The following ATP8A1 variants were observed in gnomAD, a reference collection of about 807,000 sequenced individuals.
ATP8A1 encodes the protein ATPase phospholipid transporting 8A1, also known as phospholipid-transporting ATPase IA.
A neutral mutation model predicts 177.7 loss-of-function variants in ATP8A1; 90 were observed. The ratio of observed to expected loss-of-function variants is 0.51; its 90% confidence interval spans 0.43 to 0.60. ATP8A1 has a LOEUF of 0.60. ATP8A1 is among the 20% of genes least tolerant of loss of function. ATP8A1 has a pLI of 0.00. For missense variants in ATP8A1, 1,072 were observed against 1,392.8 expected, an observed-to-expected ratio of 0.77 and a Z score of 3.67; for synonymous variants, 493 against 485.9, an observed-to-expected ratio of 1.01 and a Z score of -0.19.
In ATP8A1 at chr4:42,636,167, C is replaced by A. The variant is rs1161951492; in HGVS notation, c.50-9058G>T. 5.6e-5 allele frequency among the ~76,000 whole-genome samples: 6 copies of A among 106,542 alleles called. No individual in the cohort carries two copies. In the Admixed American group the frequency reaches 5.7e-4, roughly 10 times the overall value. 69.9% of individuals were successfully genotyped at this position (106,542 alleles called of 152,430 possible). A position where few individuals can be genotyped will look rare whatever the true frequency, so the allele number is the denominator to read the frequency against. ...ACACACACACACACACGCACACACA[C>A]ACACATAAGCTTCTTAAGCTGGATC... On this transcript the variant is annotated intron_variant, in intron 1 of 36. Coordinates refer to ENST00000381668, the MANE Select transcript of ATP8A1 (RefSeq NM_006095.2).
intron 20 of ATP8A1, among the ~76,000 whole-genome samples, chr4:42,534,613 C>T (rs1315250304): frequency 6.6e-6 from 1 of 152,106 alleles, no homozygotes; most frequent in Non-Finnish European, 1.5e-5. Flanking sequence ...GAAAATTTCC[C>T]TGGCCTTGCT....
chr4:42,499,931 C>G (rs1038397116), intron 24 of ATP8A1, among the ~76,000 whole-genome samples: 3 of 152,142 alleles, frequency 2.0e-5, no homozygotes, highest in African/African-American at 7.2e-5. Flanking sequence ...AAAAGAGATG[C>G]AAAAGTATCA....
chr4:42,618,596 C>G (rs1737143380), intron 4 of ATP8A1, among the ~76,000 whole-genome samples: 1 of 152,154 alleles, frequency 6.6e-6, no homozygotes, highest in African/African-American at 2.4e-5. Flanking sequence ...CCTATCCAAG[C>G]CATTCTTTCA....
intron 34 of ATP8A1, among the ~76,000 whole-genome samples, chr4:42,423,373 C>T (rs1238886416): frequency 2.6e-5 from 4 of 152,052 alleles, no homozygotes; most frequent in South Asian, 2.1e-4. Context: ...ACATACTCCC[C>T]GATGTAATTT....
rs771765035 is a variant in ATP8A1 at position 42,561,250 on chromosome 4, G to A, written c.1341-5210C>T. On this transcript the variant is annotated intron_variant, in intron 15 of 36. Transcript: ENST00000381668. ...ACAGGTGCGCACTGGGCCTCGGGCC[G>A]GCCTGAAGAGCACTTATGGTCTCCT... Among the ~76,000 whole-genome samples, 4 of 152,320 alleles carry A rather than the reference G, an allele frequency of 2.6e-5. No individual in the cohort carries two copies. The South Asian group carries it at 6.2e-4, about 24-fold the overall frequency.
intron 6 of ATP8A1, among the ~76,000 whole-genome samples, chr4:42,598,504 G>T (rs79704732): frequency 0.025 from 3,811 of 151,930 alleles, 67 homozygotes; most frequent in South Asian, 0.061. Flanking sequence ...TTTCTTAACT[G>T]TTTATTTTTG....
At chr4:42,612,565 G>A (rs1279007170) in intron 5 of ATP8A1, among the ~76,000 whole-genome samples, 1 of 151,352 alleles carries the variant, frequency 6.6e-6, no homozygotes, top group Non-Finnish European at 1.5e-5. Flanking sequence ...TCTTCTCTCT[G>A]CAGCTAGGTT....
At chr4:42,628,332 T>G (rs1049343019) in intron 1 of ATP8A1, among the ~76,000 whole-genome samples, 25 of 152,258 alleles carry the variant, frequency 1.6e-4, no homozygotes, top group Non-Finnish European at 1.8e-4. Context: ...GTGAGAAGCA[T>G]GAGCACAGGG....
chr4:42,592,455 C>T (rs942248717), intron 6 of ATP8A1, among the ~76,000 whole-genome samples: 2 of 151,950 alleles, frequency 1.3e-5, no homozygotes, highest in Non-Finnish European at 2.9e-5. Flanking sequence ...GCAGTATAGT[C>T]GATTATCTTC....
Position 42,412,860 on chromosome 4 carries a change from C to A in ATP8A1, c.*56G>T. The A allele has an allele frequency of 6.6e-7, 1 of 1,512,918 alleles. No individual in the cohort carries two copies. The highest frequency in any genetic ancestry group is 9.2e-7 in the Non-Finnish European group (1 of 1,091,934). 93.7% of individuals were successfully genotyped at this position (1,512,918 alleles called of 1,614,324 possible). ...GGAATTGGTTAGCAGACTGCGGTGA[C>A]AACCTGGTAGCTCTCCTTAGAGAGG... On this transcript the variant is annotated 3_prime_UTR_variant, in exon 37 of 37. Transcript: ENST00000381668.
At chr4:42,636,973 C>A (rs1739458355) in intron 1 of ATP8A1, among the ~76,000 whole-genome samples, 1 of 152,188 alleles carries the variant, frequency 6.6e-6, no homozygotes, top group South Asian at 2.1e-4. Context: ...GCTACTCCAC[C>A]CGCTTAAAGG....
At chr4:42,587,179 G>A (rs928858809) in intron 8 of ATP8A1, among the ~76,000 whole-genome samples, 1 of 152,234 alleles carries the variant, frequency 6.6e-6, no homozygotes, top group Non-Finnish European at 1.5e-5. Flanking sequence ...AGTAAGATGA[G>A]TGAGAGTTTT....
rs147630483 is a variant in ATP8A1, at chr4:42,640,790, G to T, written c.50-13681C>A. Among the ~76,000 whole-genome samples, 187 of 152,218 alleles carry T rather than the reference G, an allele frequency of 1.2e-3. 1 individual carries two copies. Among genetic ancestry groups the T allele is most frequent in the African/African-American group, 4.3e-3 (180 of 41,524 alleles). ...TCCTTCCATCTCCTGGCCTGGCCTAGTACCTGAGCCCTAGGTGTCAGGGTC... is the reference window on the plus strand; with the variant it reads ...TCCTTCCATCTCCTGGCCTGGCCTATTACCTGAGCCCTAGGTGTCAGGGTC... On this transcript the variant is annotated intron_variant, in intron 1 of 36. Transcript: ENST00000381668.
intron 25 of ATP8A1, among the ~76,000 whole-genome samples, chr4:42,465,807 T>A (rs1484469337): frequency 1.3e-5 from 2 of 151,800 alleles, no homozygotes; most frequent in African/African-American, 4.8e-5. Flanking sequence ...CCAAGGCAGG[T>A]GGATCACGAG....
intron 17 of ATP8A1, 46 bp downstream of exon 17, chr4:42,552,459 G>A (rs754171066): frequency 6.8e-7 from 1 of 1,463,784 alleles, no homozygotes; most frequent in Non-Finnish European, 9.4e-7. Context: ...TTTACATTCA[G>A]AACAATTTTC....
At chr4:42,512,595 T>C (rs544362023) in intron 22 of ATP8A1, among the ~76,000 whole-genome samples, 7 of 152,356 alleles carry the variant, frequency 4.6e-5, no homozygotes, top group Non-Finnish European at 8.8e-5. Context: ...CTGCCTCGTT[T>C]TCTAACTGTA....
chr4:42,608,212 T>C (rs142751992), intron 5 of ATP8A1, among the ~76,000 whole-genome samples: 119 of 152,238 alleles, frequency 7.8e-4, no homozygotes, highest in African/African-American at 2.8e-3. Flanking sequence ...CCCAATCAAA[T>C]AATGCACAGG....
chr4:42,439,987 A>C (rs28575612), intron 33 of ATP8A1, among the ~76,000 whole-genome samples: 35,564 of 152,078 alleles, frequency 0.23, 4,182 homozygotes, highest in African/African-American at 0.25. Context: ...CTGTGCCTCA[A>C]TTTCCACATC....
intron 1 of ATP8A1, among the ~76,000 whole-genome samples, chr4:42,642,019 CA>C (rs1383385078): frequency 2.1e-4 from 32 of 151,940 alleles, no homozygotes; most frequent in Admixed American, 2.1e-3. Flanking sequence ...TCTCAATCAT[CA>C]AAAACATCCA....
Sources: allele counts gnomAD v4.1 joint callset (sites outside exome capture counted in the v4.1 genomes callset), GRCh38; gene constraint gnomAD v4.1.1; transcripts MANE v1.5; gene names NCBI Gene and HGNC (gene_info 2026-07-23, HGNC 2026-07-21).